The following PRKN variants were observed in gnomAD, a reference collection of about 807,000 sequenced individuals.
PRKN encodes the protein parkin RBR E3 ubiquitin protein ligase, also known as E3 ubiquitin-protein ligase parkin.
A neutral mutation model predicts 59.5 loss-of-function variants in PRKN; 56 were observed. The ratio of observed to expected loss-of-function variants is 0.94; its 90% CI spans 0.76 to 1.18. The LOEUF is 1.18. Ranked by LOEUF, PRKN falls within the 50% of genes most tolerant of loss-of-function variation. The pLI, the probability that PRKN is intolerant of heterozygous loss-of-function variation, is 0.00. For missense variants in PRKN, 657 were observed against 596.4 expected (o/e 1.10, Z -1.06); for synonymous variants, 250 against 222.1 (o/e 1.13, Z -1.12).
intron 5 of PRKN, among the ~76,000 whole-genome samples, chr6:162,021,119 C>CATATATATAT (rs869269519): frequency 4.3e-5 from 2 of 46,566 alleles, no homozygotes; most frequent in Non-Finnish European, 9.5e-5. Context: ...AAAACAAAAA[C>CATATATATAT]ATATATATAT....
At chr6:162,337,825 G>C (rs1163560537) in intron 2 of PRKN, among the ~76,000 whole-genome samples, 1 of 152,182 alleles carries the variant, frequency 6.6e-6, no homozygotes, top group Non-Finnish European at 1.5e-5. Flanking sequence ...TGAAGAGACT[G>C]ATGTTAAATG....
At position 161,385,631 on chromosome 6, in the gene PRKN, G is replaced by A. The variant is rs1479850438; in HGVS notation, c.1167+1163C>T. The stretch of plus-strand genomic sequence containing the variant: ...TGTGGAAGCCTCTGCCATGTTTGCA[G>A]TCTCAGAGCATATGGATGTAAATTG... On this transcript the variant is annotated intron_variant, in intron 10 of 11. Transcript: ENST00000366898. This position sits in a 1 kb window ranked among gnomAD's most constrained non-coding sequence, Gnocchi z 4.9. 6.6e-6 allele frequency among the ~76,000 whole-genome samples: 1 copy of A among 152,194 alleles called. No individual in the cohort carries two copies. Among genetic ancestry groups the A allele is most frequent in the African/African-American group, 2.4e-5 (1 of 41,452 alleles).
At chr6:161,384,335 G>A (rs531711448) in intron 10 of PRKN, among the ~76,000 whole-genome samples, 2 of 152,292 alleles carry the variant, frequency 1.3e-5, no homozygotes, top group East Asian at 3.9e-4. Context: ...GAGCTCAGGA[G>A]TTCAAGACCC....
chr6:162,611,537 G>A (rs976871706), intron 1 of PRKN, among the ~76,000 whole-genome samples: 9 of 152,108 alleles, frequency 5.9e-5, no homozygotes, highest in Admixed American at 1.3e-4. Flanking sequence ...GGAAGGAGCC[G>A]CTAACCTACC....
chr6:162,486,347 CA>C (rs1340075721), intron 1 of PRKN, among the ~76,000 whole-genome samples: 1 of 152,202 alleles, frequency 6.6e-6, no homozygotes, highest in African/African-American at 2.4e-5. Context: ...CAATAATGCA[CA>C]AAACTCCTTC....
rs142150558 is a variant in PRKN at position 161,820,881 on chromosome 6, T to C, written c.735-34973A>G. On this transcript the variant is annotated intron_variant, in intron 6 of 11. Coordinates refer to ENST00000366898, the MANE Select transcript of PRKN (RefSeq NM_004562.3). ...TGAAGAAAATCATTAAAATAAACCT[T>C]TGAAGTATAAACGCCTTTGGAAAAT... 7.1e-3 allele frequency among the ~76,000 whole-genome samples: 1,080 copies of C among 151,868 alleles called. 15 individuals carry two copies. The highest frequency in any genetic ancestry group is 0.025 in the African/African-American group (1,032 of 41,502).
At chr6:162,568,408 T>C (rs918704716) in intron 1 of PRKN, 1 of 545,978 alleles carries the variant, frequency 1.8e-6, no homozygotes, top group Admixed American at 2.8e-5. Context: ...AGAAGTCCTA[T>C]AAGGTGTCCA....
At chr6:162,164,363 C>T (rs1369408061) in intron 4 of PRKN, among the ~76,000 whole-genome samples, 1 of 148,362 alleles carries the variant, frequency 6.7e-6, no homozygotes. Context: ...TCTGCGCTAC[C>T]ATGCCCGGCT....
chr6:162,426,619 A>G (rs1026197347), intron 2 of PRKN, among the ~76,000 whole-genome samples: 1 of 151,928 alleles, frequency 6.6e-6, no homozygotes, highest in Non-Finnish European at 1.5e-5. Context: ...GCTAATTTTC[A>G]TATTTTTTTG....
intron 2 of PRKN, among the ~76,000 whole-genome samples, chr6:162,426,638 G>A (rs1459172501): frequency 2.0e-5 from 3 of 152,054 alleles, no homozygotes; most frequent in Admixed American, 1.3e-4. Flanking sequence ...TGTAGAGACG[G>A]GTTTCACCAT....
At chr6:162,021,683 G>A (rs998521446) in intron 5 of PRKN, among the ~76,000 whole-genome samples, 19 of 152,110 alleles carry the variant, frequency 1.2e-4, no homozygotes, top group African/African-American at 4.6e-4. Context: ...GATGGGTTGA[G>A]ATCCTGCATT....
In PRKN at chr6:162,087,750, C is replaced by T. The variant is rs369072461; in HGVS notation, c.535-33576G>A. Among the ~76,000 whole-genome samples, 17 of 152,034 alleles carry T rather than the reference C, an allele frequency of 1.1e-4. 1 individual carries two copies. The highest frequency in any genetic ancestry group is 3.9e-4 in the African/African-American group (16 of 41,488). ...CTGGGATTACAGGCACACGCCACCACGCCCAGCTAATTTTTCTATTTTTAG... is the reference window on the plus strand; with the variant it reads ...CTGGGATTACAGGCACACGCCACCATGCCCAGCTAATTTTTCTATTTTTAG... On this transcript the variant is annotated intron_variant, in intron 4 of 11. Coordinates refer to ENST00000366898, the MANE Select transcript of PRKN (RefSeq NM_004562.3).
intron 1 of PRKN, among the ~76,000 whole-genome samples, chr6:162,579,169 A>G (rs554362607): frequency 6.6e-6 from 1 of 152,272 alleles, no homozygotes; most frequent in East Asian, 1.9e-4. Context: ...CCTCTCCTCC[A>G]ATCCTGCGAC....
chr6:161,999,752 T>C (rs917243552), intron 5 of PRKN, among the ~76,000 whole-genome samples: 3 of 152,068 alleles, frequency 2.0e-5, no homozygotes, highest in African/African-American at 7.2e-5. Context: ...AACAGGACAC[T>C]TTGGTCAGCT....
intron 1 of PRKN, among the ~76,000 whole-genome samples, chr6:162,614,368 G>A (rs1222048381): frequency 6.6e-6 from 1 of 152,078 alleles, no homozygotes; most frequent in Non-Finnish European, 1.5e-5. Flanking sequence ...CACATTGTCT[G>A]CTTTACATGC....
intron 4 of PRKN, among the ~76,000 whole-genome samples, chr6:162,097,179 AATT>A (rs1274439520): frequency 6.6e-6 from 1 of 152,136 alleles, no homozygotes; most frequent in Non-Finnish European, 1.5e-5. Flanking sequence ...CCTGGCCAAA[AATT>A]ATTATTTAAC....
At chr6:162,407,021 C>T (rs1382442365) in intron 2 of PRKN, among the ~76,000 whole-genome samples, 3 of 152,046 alleles carry the variant, frequency 2.0e-5, no homozygotes, top group South Asian at 2.1e-4. Flanking sequence ...TAATTTTGTG[C>T]GGACAGTTAC....
At chr6:161,849,804 T>G (rs1252594001) in intron 6 of PRKN, among the ~76,000 whole-genome samples, 2 of 152,134 alleles carry the variant, frequency 1.3e-5, no homozygotes, top group African/African-American at 4.8e-5. Context: ...AAAAGACAAA[T>G]CTGAGGCGGG....
intron 7 of PRKN, among the ~76,000 whole-genome samples, chr6:161,655,075 T>A (rs1784289157): frequency 6.6e-6 from 1 of 150,888 alleles, no homozygotes; most frequent in South Asian, 2.1e-4. Flanking sequence ...CACAGAGGCA[T>A]TCCTGGGCCC....
Sources: gnomAD v4.1 joint callset for allele counts (sites outside exome capture counted in the v4.1 genomes callset) on GRCh38, gnomAD v4.1.1 for gene constraint, Gnocchi (gnomAD v3.1) non-coding constraint, MANE v1.5 for transcripts, NCBI Gene and HGNC (gene_info 2026-07-23, HGNC 2026-07-21) for gene names.